The following CPEB3 variants were observed in gnomAD, a reference collection of about 807,000 sequenced individuals.
CPEB3 encodes cytoplasmic polyadenylation element binding protein 3, also known as cytoplasmic polyadenylation element-binding protein 3.
A neutral mutation model predicts 67.2 loss-of-function variants in CPEB3; 20 were observed. The observed-to-expected ratio is 0.30, with a 90% CI of 0.21 to 0.43. The LOEUF (loss-of-function observed/expected upper bound fraction) is 0.43. CPEB3 is among the 20% of genes least tolerant of loss of function. The pLI is 1.00. For synonymous variants in CPEB3, 376 were observed against 393.1 expected, an observed-to-expected ratio of 0.96 and a Z score of 0.51; for missense variants, 746 against 968.6, an observed-to-expected ratio of 0.77 and a Z score of 3.05.
At chr10:92,169,175 A>G (rs1204512747) in intron 4 of CPEB3, among the ~76,000 whole-genome samples, 44 of 129,182 alleles carry the variant, frequency 3.4e-4, no homozygotes, top group East Asian at 9.3e-4. Flanking sequence ...TTTTGCTCTT[A>G]TTGCACAGGC....
intron 1 of CPEB3, among the ~76,000 whole-genome samples, chr10:92,269,039 C>G (rs573020852): frequency 6.6e-6 from 1 of 152,104 alleles, no homozygotes; most frequent in Non-Finnish European, 1.5e-5. Context: ...TGGAATGATC[C>G]CTCAGTCACA....
At chr10:92,228,367 A>AT (rs1282980362) in intron 2 of CPEB3, among the ~76,000 whole-genome samples, 1 of 152,246 alleles carries the variant, frequency 6.6e-6, no homozygotes, top group Non-Finnish European at 1.5e-5. Context: ...TCTAGGTTAT[A>AT]TTTCTCTGGT....
chr10:92,286,527 G>C (rs956076275), intron 1 of CPEB3, among the ~76,000 whole-genome samples: 14 of 151,058 alleles, frequency 9.3e-5, no homozygotes, highest in Non-Finnish European at 1.9e-4. Context: ...GGAGGTTGCA[G>C]TGAGCTGAGA....
At chr10:92,248,417 T>C (rs1475552634) in intron 1 of CPEB3, among the ~76,000 whole-genome samples, 1 of 152,202 alleles carries the variant, frequency 6.6e-6, no homozygotes, top group African/African-American at 2.4e-5. Context: ...AGGACAACTG[T>C]ACATGGGTCA....
intron 1 of CPEB3, among the ~76,000 whole-genome samples, chr10:92,275,657 C>A (rs1752452326): frequency 6.6e-6 from 1 of 152,036 alleles, no homozygotes; most frequent in African/African-American, 2.4e-5. Flanking sequence ...AAAGAAACCC[C>A]AACACAACTT....
At chr10:92,146,148 C>A (rs1250690014) in intron 4 of CPEB3, among the ~76,000 whole-genome samples, 1 of 152,022 alleles carries the variant, frequency 6.6e-6, no homozygotes, top group East Asian at 1.9e-4. Flanking sequence ...TTCATTAATT[C>A]TATAGCCAAA....
chr10:92,198,264 T>G (rs960709060), intron 2 of CPEB3, among the ~76,000 whole-genome samples: 2 of 152,220 alleles, frequency 1.3e-5, no homozygotes, highest in African/African-American at 4.8e-5. Context: ...GACTTCCTCC[T>G]ATTCTCTCTA....
chr10:92,217,796 A>T (rs1180442491), intron 2 of CPEB3, among the ~76,000 whole-genome samples: 1 of 152,232 alleles, frequency 6.6e-6, no homozygotes, highest in East Asian at 1.9e-4. Context: ...AATTCATTTT[A>T]ACAACAAATG....
intron 1 of CPEB3, among the ~76,000 whole-genome samples, chr10:92,262,031 T>C (rs1360504945): frequency 6.6e-6 from 1 of 152,218 alleles, no homozygotes; most frequent in Non-Finnish European, 1.5e-5. Flanking sequence ...TCTAACCAAC[T>C]GAAGCAATAT....
intron 4 of CPEB3, among the ~76,000 whole-genome samples, chr10:92,162,259 T>A (rs1210693363): frequency 6.6e-6 from 1 of 152,096 alleles, no homozygotes; most frequent in Non-Finnish European, 1.5e-5. Context: ...TGGCTAGCGA[T>A]AGTAACCAGA....
Position 92,254,879 on chromosome 10 carries a change from A to G in CPEB3, c.-11-14518T>C, listed in dbSNP as rs374474626. ...TTTTTTATTTTTTATTTTTATTTTTATTTTTTTTTCTGGCGATGGAGTGCT... is the reference window on the plus strand; with the variant it reads ...TTTTTTATTTTTTATTTTTATTTTTGTTTTTTTTTCTGGCGATGGAGTGCT... On this transcript the variant is annotated intron_variant, in intron 1 of 9. Coordinates refer to ENST00000265997, the MANE Select transcript of CPEB3 (RefSeq NM_014912.5). Among the ~76,000 whole-genome samples the G allele has an allele frequency of 6.8e-5, 10 of 146,496 alleles. No homozygotes were observed. The East Asian group carries it at 1.2e-3, about 17-fold the overall frequency.
At chr10:92,281,287 A>G (rs1414496639) in intron 1 of CPEB3, among the ~76,000 whole-genome samples, 1 of 150,730 alleles carries the variant, frequency 6.6e-6, no homozygotes, top group Admixed American at 6.6e-5. Context: ...TAGAGACACA[A>G]TCTCTCTATG....
At chr10:92,085,590 C>A (rs965364237) in intron 8 of CPEB3, among the ~76,000 whole-genome samples, 2 of 152,054 alleles carry the variant, frequency 1.3e-5, no homozygotes, top group African/African-American at 4.8e-5. Flanking sequence ...CTTGGATTTG[C>A]TCCTGATTCT....
rs368197873 is a variant in CPEB3 at position 92,095,538 on chromosome 10, C to T, written c.1573-3594G>A. Reference sequence around the variant, plus strand: ...CAGGTCCTGATATCCATGTTCTATCCTTCTGGACTTACTCTTTGTTTGGAT... The same window carrying T: ...CAGGTCCTGATATCCATGTTCTATCTTTCTGGACTTACTCTTTGTTTGGAT... On this transcript the variant is annotated intron_variant, in intron 7 of 9. Coordinates refer to ENST00000265997, the MANE Select transcript of CPEB3 (RefSeq NM_014912.5). Among the ~76,000 whole-genome samples, 3 of 149,128 alleles carry T rather than the reference C, an allele frequency of 2.0e-5. No individual in the cohort carries two copies. The South Asian group carries it at 6.3e-4, about 31-fold the overall frequency.
intron 6 of CPEB3, among the ~76,000 whole-genome samples, chr10:92,122,524 T>C (rs943526887): frequency 2.6e-5 from 4 of 152,080 alleles, no homozygotes; most frequent in African/African-American, 9.7e-5. Context: ...TCAACACTTA[T>C]GTAATCTACA....
intron 6 of CPEB3, among the ~76,000 whole-genome samples, chr10:92,122,242 C>T (rs1845422553): frequency 6.6e-6 from 1 of 152,186 alleles, no homozygotes; most frequent in Non-Finnish European, 1.5e-5. Flanking sequence ...CCATATCTGA[C>T]CCAGAGGCTG....
intron 1 of CPEB3, among the ~76,000 whole-genome samples, chr10:92,256,539 C>A (rs1001440101): frequency 1.3e-5 from 2 of 151,994 alleles, no homozygotes; most frequent in African/African-American, 4.8e-5. Flanking sequence ...CAGGCACGTG[C>A]CACCACACCC....
At chr10:92,194,020 T>C (rs972528826) in intron 2 of CPEB3, among the ~76,000 whole-genome samples, 3 of 151,658 alleles carry the variant, frequency 2.0e-5, no homozygotes, top group Non-Finnish European at 2.9e-5. Context: ...ATGATCTTGA[T>C]CTCCTGACCT....
At chr10:92,093,905 A>G (rs1382253647) in intron 7 of CPEB3, among the ~76,000 whole-genome samples, 1 of 152,118 alleles carries the variant, frequency 6.6e-6, no homozygotes, top group African/African-American at 2.4e-5. Context: ...CCCAGGCTGG[A>G]GTACAGTGGC....
Sources: allele counts gnomAD v4.1 joint callset (sites outside exome capture counted in the v4.1 genomes callset), GRCh38; gene constraint gnomAD v4.1.1; transcripts MANE v1.5; gene names NCBI Gene and HGNC (gene_info 2026-07-23, HGNC 2026-07-21).